Variants in TMEM19 observed in about 807,000 individuals in gnomAD.
TMEM19 encodes transmembrane protein 19.
A neutral mutation model predicts 33.6 loss-of-function variants in TMEM19; 21 were observed. The observed-to-expected ratio is 0.62, with a 90% CI of 0.44 to 0.90. The LOEUF (loss-of-function observed/expected upper bound fraction) is 0.90. Among genes scored for constraint, TMEM19 ranks in the 40% least tolerant of loss-of-function variants. The pLI is 0.00. For missense variants in TMEM19, 402 were observed against 401.8 expected, an observed-to-expected ratio of 1.00 and a Z score of 0.00; for synonymous variants, 149 against 147.5, an observed-to-expected ratio of 1.01 and a Z score of -0.07.
intron 2 of TMEM19, among the ~76,000 whole-genome samples, chr12:71,693,398 TA>T (rs1202946552): frequency 2.6e-5 from 4 of 151,080 alleles, no homozygotes; most frequent in Admixed American, 6.6e-5. Context: ...TCCTTAAGGA[TA>T]AAAAAAAATC....
chr12:71,689,416 TC>T (rs1454208734), intron 1 of TMEM19, among the ~76,000 whole-genome samples, 174 bp from the exon 2 acceptor site: 1 of 152,240 alleles, frequency 6.6e-6, no homozygotes, highest in Non-Finnish European at 1.5e-5. Context: ...GATGCATTTC[TC>T]AGAACATATC....
chr12:71,689,573 A>G lies in TMEM19; in HGVS notation c.131-18A>G, dbSNP rs1881749463. 2 of 1,603,836 alleles carry G rather than the reference A, an allele frequency of 1.2e-6. No homozygotes were observed. The highest frequency in any genetic ancestry group is 1.3e-5 in the African/African-American group (1 of 74,640). On this transcript the variant is annotated intron_variant, in intron 1 of 5. Coordinates refer to ENST00000266673, the MANE Select transcript of TMEM19 (RefSeq NM_018279.4). The stretch of plus-strand genomic sequence containing the variant: ...GCAAACTTCACACAATTTGTGCTCC[A>G]CCTTTATAATTTTTCAGGTAACTTA...
intron 1 of TMEM19, 25 bp from the exon 2 acceptor site, chr12:71,689,566 G>T (rs764536899): frequency 6.3e-7 from 1 of 1,587,790 alleles, no homozygotes; most frequent in South Asian, 1.1e-5. Context: ...CACACAATTT[G>T]TGCTCCACCT....
intron 4 of TMEM19, among the ~76,000 whole-genome samples, chr12:71,698,317 G>A (rs907719148): frequency 1.3e-5 from 2 of 151,820 alleles, no homozygotes; most frequent in Admixed American, 6.6e-5. Context: ...TATTCTAACT[G>A]CTTTACACGG....
chr12:71,689,243 A>T (rs1186382273), intron 1 of TMEM19, among the ~76,000 whole-genome samples: 2 of 152,194 alleles, frequency 1.3e-5, no homozygotes, highest in Non-Finnish European at 2.9e-5. Flanking sequence ...AGATACACAA[A>T]TACGTTATAA....
At chr12:71,693,393 A>C (rs1469540943) in intron 2 of TMEM19, among the ~76,000 whole-genome samples, 1 of 151,910 alleles carries the variant, frequency 6.6e-6, no homozygotes, top group African/African-American at 2.4e-5. Context: ...TTGTTTCCTT[A>C]AGGATAAAAA....
Position 71,702,854 on chromosome 12 carries a change from C to G in TMEM19, c.*1859C>G, listed in dbSNP as rs573354105. The G allele has an allele frequency of 6.6e-6, 1 of 152,160 alleles. No homozygotes were observed. Among genetic ancestry groups the G allele is most frequent in the East Asian group, 1.9e-4 (1 of 5,164 alleles). 9.4% of individuals were successfully genotyped at this position (152,160 alleles called of 1,614,324 possible). ...TTTTTACAAAGCTCTCTGGGAGATT[C>G]TAATGCTTAACCAAATTGAGAAGCA... On this transcript the variant is annotated 3_prime_UTR_variant, in exon 6 of 6. Coordinates refer to ENST00000266673, the MANE Select transcript of TMEM19 (RefSeq NM_018279.4).
chr12:71,697,214 A>C, intron 3 of TMEM19, 66 bp from the exon 4 acceptor site: 1 of 1,546,032 alleles, frequency 6.5e-7, no homozygotes, highest in Admixed American at 2.4e-5. Context: ...ATAAACACCT[A>C]TAACTGCATG....
rs1882009597 is a variant in TMEM19, at chr12:71,703,154, G to A, written c.*2159G>A. ...ATTGCACCACTGTACTCCAGCCTGG[G>A]CAACAGAGGGAGACTCCATCTAGAC... On this transcript the variant is annotated 3_prime_UTR_variant, in exon 6 of 6. Transcript: ENST00000266673. 8.4e-6 allele frequency: 1 copy of A among 118,378 alleles called. No homozygotes were observed. Among genetic ancestry groups the A allele is most frequent in the South Asian group, 2.8e-4 (1 of 3,540 alleles). 7.3% of individuals were successfully genotyped at this position (118,378 alleles called of 1,614,324 possible).
At chr12:71,698,058 T>C (rs1881906249) in intron 4 of TMEM19, among the ~76,000 whole-genome samples, 1 of 152,214 alleles carries the variant, frequency 6.6e-6, no homozygotes, top group African/African-American at 2.4e-5. Flanking sequence ...TAAGTCTATA[T>C]AATGCAAATA....
rs1170923203 is a variant in TMEM19, at chr12:71,698,893, T to A, written c.638-7T>A. 1.2e-6 allele frequency: 2 copies of A among 1,613,428 alleles called. No homozygotes were observed. The highest frequency in any genetic ancestry group is 1.7e-6 in the Non-Finnish European group (2 of 1,179,482). On this transcript the variant is annotated splice_region_variant and splice_polypyrimidine_tract_variant and intron_variant, in intron 4 of 5. Transcript: ENST00000266673. ...ACCGGATGATTTTCTGCATGTTTCT[T>A]CTTCAGGTACCAATGGAGGAGTTAC...
At position 71,696,419 on chromosome 12, in the gene TMEM19, A is replaced by G. The variant is rs1881871497; in HGVS notation, c.245-17A>G. ...ATGAATTGAATATAATTCTGTGTTT[A>G]TATATGTTTCTTTCAGGGCTAGTCG... On this transcript the variant is annotated splice_polypyrimidine_tract_variant and intron_variant, in intron 2 of 5. Coordinates refer to ENST00000266673, the MANE Select transcript of TMEM19 (RefSeq NM_018279.4). The G allele has an allele frequency of 1.3e-6, 2 of 1,580,538 alleles. No homozygotes were observed. The highest frequency in any genetic ancestry group is 1.7e-6 in the Non-Finnish European group (2 of 1,163,496).
At chr12:71,691,519 A>G (rs1881784230) in intron 2 of TMEM19, among the ~76,000 whole-genome samples, 1 of 143,644 alleles carries the variant, frequency 7.0e-6, no homozygotes, top group Non-Finnish European at 1.5e-5. Context: ...CTGTAATCCC[A>G]GCACTTTGGG....
chr12:71,694,828 A>G (rs997798259), intron 2 of TMEM19, among the ~76,000 whole-genome samples: 1 of 152,300 alleles, frequency 6.6e-6, no homozygotes, highest in South Asian at 2.1e-4. Context: ...TTATTAAATT[A>G]CTATGAAATT....
chr12:71,701,451 G>A lies in TMEM19; in HGVS notation c.*456G>A, dbSNP rs917922078. 1 of 152,664 alleles carries A rather than the reference G, an allele frequency of 6.6e-6. No individual in the cohort carries two copies. The highest frequency in any genetic ancestry group is 2.4e-5 in the African/African-American group (1 of 41,472). The allele number at this position is 152,664 out of a possible 1,614,324, so 9.5% of individuals were successfully genotyped here. On this transcript the variant is annotated 3_prime_UTR_variant, in exon 6 of 6. Transcript: ENST00000266673. ...TCTATTTTAAATAGTTTAAGCTGATGTGTATGGGAGCCTAAACAAGTGTAG... is the reference window on the plus strand; with the variant it reads ...TCTATTTTAAATAGTTTAAGCTGATATGTATGGGAGCCTAAACAAGTGTAG...
chr12:71,691,584 CATA>C (rs1299259873), intron 2 of TMEM19, among the ~76,000 whole-genome samples: 2 of 106,906 alleles, frequency 1.9e-5, no homozygotes, highest in African/African-American at 7.0e-5. Flanking sequence ...GCCTGGACAG[CATA>C]ATGAGACTTC....
Position 71,697,429 on chromosome 12 carries a change from G to A in TMEM19, c.532G>A (p.Ala178Thr), listed in dbSNP as rs1480842467. ...SASWMCLSLL[A>T]ALACSAGDTW... ...TTCCTGGATGTGTTTGTCTCTCTTGGCTGCACTGGCCTGCTCTGCTGGAGA... is the reference window on the plus strand; with the variant it reads ...TTCCTGGATGTGTTTGTCTCTCTTGACTGCACTGGCCTGCTCTGCTGGAGA... The change falls in exon 4 of 6, where the codon GCT (alanine) becomes ACT (threonine). Residue 178 changes from alanine to threonine, a missense_variant. By Grantham distance (58) the Ala-to-Thr change is moderately conservative. Coordinates refer to ENST00000266673, the MANE Select transcript of TMEM19 (RefSeq NM_018279.4). 6.2e-7 allele frequency: 1 copy of A among 1,611,192 alleles called. No individual in the cohort carries two copies. Among genetic ancestry groups the A allele is most frequent in the Admixed American group, 1.7e-5 (1 of 59,410 alleles).
At position 71,686,428 on chromosome 12, in the gene TMEM19, G is replaced by T. The variant is rs1267528799; in HGVS notation, c.-253G>T. On this transcript the variant is annotated 5_prime_UTR_variant, in exon 1 of 6. Coordinates refer to ENST00000266673, the MANE Select transcript of TMEM19 (RefSeq NM_018279.4). Reference sequence around the variant, plus strand: ...TGAAGCGGCCGGCAGCCGGCGACCGGCCCTCACCGTCCGCCGGGTTGCGCT... The same window carrying T: ...TGAAGCGGCCGGCAGCCGGCGACCGTCCCTCACCGTCCGCCGGGTTGCGCT... The T allele has an allele frequency of 5.6e-6, 2 of 355,124 alleles. No homozygotes were observed. The highest frequency in any genetic ancestry group is 4.4e-5 in the African/African-American group (2 of 45,204). The allele number at this position is 355,124 out of a possible 1,614,324, so 22.0% of individuals were successfully genotyped here. A position where few individuals can be genotyped will look rare whatever the true frequency, so the allele number is the denominator to read the frequency against.
rs1277696586 is a variant in TMEM19, at chr12:71,701,487, T to G, written c.*492T>G. On this transcript the variant is annotated 3_prime_UTR_variant, in exon 6 of 6. Transcript: ENST00000266673. ...CCTAAACAAGTGTAGTATCCTGAAC[T>G]TCTCCCATTAATTGCTATTCACAAT... The G allele has an allele frequency of 6.6e-6, 1 of 152,250 alleles. No individual in the cohort carries two copies. Among genetic ancestry groups the G allele is most frequent in the African/African-American group, 2.4e-5 (1 of 41,460 alleles). 9.4% of individuals were successfully genotyped at this position (152,250 alleles called of 1,614,324 possible).
Sources: allele counts gnomAD v4.1 joint callset (sites outside exome capture counted in the v4.1 genomes callset), GRCh38; gene constraint gnomAD v4.1.1; transcripts MANE v1.5; gene names NCBI Gene and HGNC (gene_info 2026-07-23, HGNC 2026-07-21).